Variants in SGCZ observed in about 807,000 individuals in gnomAD.
SGCZ encodes the protein zeta-sarcoglycan.
Under a neutral mutation model 41.3 loss-of-function variants are expected in SGCZ, and 40 were observed. The observed-to-expected ratio is 0.97, with a 90% CI of 0.75 to 1.26. The LOEUF is 1.26. Among genes scored for constraint, SGCZ ranks in the 50% most tolerant of loss-of-function variants. The pLI is 0.00. For missense variants in SGCZ, 552 were observed against 369.8 expected, an observed-to-expected ratio of 1.49 and a Z score of -4.04; for synonymous variants, 206 against 137.5, an observed-to-expected ratio of 1.50 and a Z score of -3.49.
chr8:14,180,029 G>A (rs534699025), intron 4 of SGCZ, among the ~76,000 whole-genome samples: 22 of 152,090 alleles, frequency 1.4e-4, no homozygotes, highest in Non-Finnish European at 2.8e-4. Context: ...GATATATTGC[G>A]ATTTGTGGCA....
At chr8:14,605,143 C>T (rs961217462) in intron 1 of SGCZ, among the ~76,000 whole-genome samples, 2 of 152,156 alleles carry the variant, frequency 1.3e-5, no homozygotes, top group Admixed American at 1.3e-4. Context: ...TATTCAGCTA[C>T]TTGCCTCGAA....
In SGCZ at chr8:14,996,478, C is replaced by A. The variant is rs999790321; in HGVS notation, c.39+241107G>T. On this transcript the variant is annotated intron_variant, in intron 1 of 7. Coordinates refer to ENST00000382080, the MANE Select transcript of SGCZ (RefSeq NM_139167.4). ...GTGTAATGGTGCAATCACAGCTTACCGCAGCCTTGAACTCTTGAACTCAAG... is the reference window on the plus strand; with the variant it reads ...GTGTAATGGTGCAATCACAGCTTACAGCAGCCTTGAACTCTTGAACTCAAG... Among the ~76,000 whole-genome samples the A allele has an allele frequency of 1.6e-4, 24 of 152,038 alleles. 1 individual carries two copies. The highest frequency in any genetic ancestry group is 5.8e-4 in the African/African-American group (24 of 41,466).
intron 1 of SGCZ, among the ~76,000 whole-genome samples, chr8:15,049,527 G>C (rs1178607269): frequency 1.3e-5 from 2 of 152,092 alleles, no homozygotes; most frequent in Non-Finnish European, 2.9e-5. Flanking sequence ...AGATTGCTCT[G>C]ACTCTCCAAT....
intron 1 of SGCZ, among the ~76,000 whole-genome samples, chr8:15,097,211 A>C (rs1563123299): frequency 6.6e-6 from 1 of 152,196 alleles, no homozygotes; most frequent in Non-Finnish European, 1.5e-5. Flanking sequence ...CACCAACTTC[A>C]TAACGTGTAT....
chr8:15,236,493 C>T (rs1292886694), intron 1 of SGCZ, among the ~76,000 whole-genome samples: 1 of 152,090 alleles, frequency 6.6e-6, no homozygotes. Flanking sequence ...CCATCTGAAC[C>T]TCTGAAATAG....
chr8:14,150,426 G>T (rs1002076114), intron 5 of SGCZ, among the ~76,000 whole-genome samples: 1 of 152,032 alleles, frequency 6.6e-6, no homozygotes, highest in African/African-American at 2.4e-5. Context: ...TACAAAAAAT[G>T]CTCAACATGG....
rs377135692 is a variant in SGCZ at position 14,348,652 on chromosome 8, T to C, written c.235-24448A>G. On this transcript the variant is annotated intron_variant, in intron 2 of 7. Transcript: ENST00000382080. Reference sequence around the variant, plus strand: ...GCCATTAAATATAAGGTATGGCTTATTCTCCCAAGGAACGCACATTATAGT... The same window carrying C: ...GCCATTAAATATAAGGTATGGCTTACTCTCCCAAGGAACGCACATTATAGT... Among the ~76,000 whole-genome samples the C allele has an allele frequency of 1.3e-4, 20 of 152,270 alleles. No individual in the cohort carries two copies. The South Asian group carries it at 3.7e-3, about 28-fold the overall frequency.
intron 1 of SGCZ, among the ~76,000 whole-genome samples, chr8:14,598,437 G>C (rs891985695): frequency 6.6e-6 from 1 of 151,254 alleles, no homozygotes; most frequent in Non-Finnish European, 1.5e-5. Flanking sequence ...GAAAAATTTT[G>C]TTTGTGTGTA....
At position 14,102,787 on chromosome 8, in the gene SGCZ, CCCCTCAGAATGCTCA is replaced by C. The variant is rs530371600; in HGVS notation, c.621-303_621-289del. On this transcript the variant is annotated intron_variant, in intron 6 of 7. Transcript: ENST00000382080. ...TTGCTTATGGTTTCTTTTGTTGTTTCCCCTCAGAATGCTCATGAAAAGTAGGGTGTGATAAGTATA... is the reference window on the plus strand; with the variant it reads ...TTGCTTATGGTTTCTTTTGTTGTTTCTGAAAAGTAGGGTGTGATAAGTATA... Among the ~76,000 whole-genome samples the C allele has an allele frequency of 3.9e-5, 6 of 152,120 alleles. No individual in the cohort carries two copies. The East Asian group carries it at 7.8e-4, about 20-fold the overall frequency.
At chr8:14,569,089 AT>A (rs1804471218) in intron 1 of SGCZ, among the ~76,000 whole-genome samples, 1 of 152,164 alleles carries the variant, frequency 6.6e-6, no homozygotes. Flanking sequence ...AACATCTTTC[AT>A]TCTAACTTTA....
intron 2 of SGCZ, among the ~76,000 whole-genome samples, chr8:14,452,994 T>A (rs1047298257): frequency 1.3e-5 from 2 of 151,924 alleles, no homozygotes; most frequent in African/African-American, 4.8e-5. Context: ...TCCCAGCTAC[T>A]CGGGAGGCTG....
intron 1 of SGCZ, among the ~76,000 whole-genome samples, chr8:14,657,955 C>G (rs1246060735): frequency 1.3e-5 from 2 of 152,094 alleles, no homozygotes; most frequent in East Asian, 3.8e-4. Context: ...ATTTGAATCA[C>G]AGGTGAAAAC....
chr8:14,907,492 T>A (rs986256879), intron 1 of SGCZ, among the ~76,000 whole-genome samples: 5 of 152,114 alleles, frequency 3.3e-5, no homozygotes, highest in African/African-American at 4.8e-5. Context: ...CCAGCCTCAG[T>A]TAACTATTAA....
At chr8:14,108,664 CA>C (rs2117002340) in intron 5 of SGCZ, among the ~76,000 whole-genome samples, 1 of 152,040 alleles carries the variant, frequency 6.6e-6, no homozygotes, top group East Asian at 1.9e-4. Context: ...TATAGGAGTA[CA>C]ATTCTAGATG....
intron 1 of SGCZ, among the ~76,000 whole-genome samples, chr8:14,952,519 G>A (rs117385114): frequency 2.6e-5 from 4 of 152,028 alleles, no homozygotes; most frequent in Admixed American, 6.6e-5. Flanking sequence ...ACCTTTGTTC[G>A]ATAATGTTGA....
chr8:14,897,036 C>A (rs1805226959), intron 1 of SGCZ, among the ~76,000 whole-genome samples: 2 of 152,104 alleles, frequency 1.3e-5, no homozygotes, highest in African/African-American at 4.8e-5. Flanking sequence ...CCTGCCTCAG[C>A]CTCCCAAAGT....
intron 2 of SGCZ, among the ~76,000 whole-genome samples, chr8:14,498,333 A>G (rs1802051972): frequency 6.6e-6 from 1 of 152,138 alleles, no homozygotes; most frequent in South Asian, 2.1e-4. Flanking sequence ...ACAACACACC[A>G]CAATTTGTAT....
At chr8:14,214,565 G>A (rs1426901796) in intron 4 of SGCZ, among the ~76,000 whole-genome samples, 2 of 152,042 alleles carry the variant, frequency 1.3e-5, no homozygotes, top group Admixed American at 6.5e-5. Flanking sequence ...TAAAATAAAA[G>A]TGTATTTATA....
chr8:14,284,280 A>C (rs7000113), intron 3 of SGCZ, among the ~76,000 whole-genome samples: 110,637 of 152,084 alleles, frequency 0.73, 40,605 homozygotes, highest in African/African-American at 0.81. Context: ...TTGATCTCAG[A>C]TACTCAGGAG....
Sources: gnomAD v4.1 joint callset for allele counts (sites outside exome capture counted in the v4.1 genomes callset) on GRCh38, gnomAD v4.1.1 for gene constraint, MANE v1.5 for transcripts, NCBI Gene and HGNC (gene_info 2026-07-23, HGNC 2026-07-21) for gene names.